The following TULP2 variants were observed in gnomAD, a reference collection of about 807,000 sequenced individuals.
TULP2 encodes TUB like protein 2, also known as tubby-related protein 2.
Under a neutral mutation model 60.3 loss-of-function variants are expected in TULP2, and 64 were observed. That is an observed-to-expected ratio of 1.06 (90% CI 0.87 to 1.31). The LOEUF (loss-of-function observed/expected upper bound fraction) is 1.31. Ranked by LOEUF, TULP2 falls within the 50% of genes most tolerant of loss-of-function variation. The pLI, the probability that TULP2 is intolerant of heterozygous loss-of-function variation, is 0.00. For missense variants in TULP2, 652 were observed against 667.0 expected, an observed-to-expected ratio of 0.98 and a Z score of 0.25; for synonymous variants, 267 against 265.4, an observed-to-expected ratio of 1.01 and a Z score of -0.06.
intron 8 of TULP2, 77 bp downstream of exon 8, chr19:48,887,873 C>T (rs1456233022): frequency 6.6e-7 from 1 of 1,507,530 alleles, no homozygotes; most frequent in Non-Finnish European, 9.1e-7. Flanking sequence ...CTGGTCTTGA[C>T]CTAGCTCAGA....
chr19:48,896,493 G>A lies in TULP2; in HGVS notation c.148C>T (p.Pro50Ser). 1 of 1,611,540 alleles carries A rather than the reference G, an allele frequency of 6.2e-7. No homozygotes were observed. The change falls in exon 4 of 13, where the codon CCT becomes TCT. Residue 50 changes from proline to serine, a missense_variant. By Grantham distance (74) the Pro-to-Ser change is moderately conservative (BLOSUM62 -1). Transcript: ENST00000221399. ...RQELLMVQAN[P>S]DASPWLWRSC... ...CGCCAAAGCCACGGGGAAGCGTCAGGATTGGCCTGAACCATGAGGAGCTCC... is the reference window on the plus strand; with the variant it reads ...CGCCAAAGCCACGGGGAAGCGTCAGAATTGGCCTGAACCATGAGGAGCTCC...
chr19:48,887,956 G>T lies in TULP2; in HGVS notation c.942C>A (p.Ser314Arg). The T allele has an allele frequency of 6.2e-7, 1 of 1,607,446 alleles. No homozygotes were observed. Among genetic ancestry groups the T allele is most frequent in the Non-Finnish European group, 8.5e-7 (1 of 1,174,508 alleles). Residue 314 changes from serine to arginine, a missense_variant, in exon 8 of 13, where the codon AGC (serine) becomes AGA (arginine). Transcript: ENST00000221399. ...TTGGGCTGGCTTACTGCACCTGCAGGCTGTCAGAGGTCTCCAGGTAGAGGT... is the reference window on the plus strand; with the variant it reads ...TTGGGCTGGCTTACTGCACCTGCAGTCTGTCAGAGGTCTCCAGGTAGAGGT... ...LYYLYLETSD[S>R]LQRFLLAGRK...
chr19:48,893,327 G>A (rs546552120), intron 6 of TULP2, among the ~76,000 whole-genome samples: 107 of 150,132 alleles, frequency 7.1e-4, no homozygotes, highest in African/African-American at 2.0e-3. Flanking sequence ...CTGAGATCGC[G>A]CCATTGCATT....
intron 4 of TULP2, 40 bp downstream of exon 4, chr19:48,896,390 C>A: frequency 6.4e-7 from 1 of 1,563,372 alleles, no homozygotes; most frequent in Non-Finnish European, 8.6e-7. Context: ...CCCACAGGCC[C>A]CTCCCCTCCA....
At position 48,897,274 on chromosome 19, in the gene TULP2, C is replaced by CGG. The variant is rs2037291231; in HGVS notation, c.84+70_84+71insCC. 5.8e-6 allele frequency: 9 copies of CGG among 1,542,042 alleles called. No individual in the cohort carries two copies. The highest frequency in any genetic ancestry group is 8.9e-7 in the Non-Finnish European group (1 of 1,122,696). On this transcript the variant is annotated intron_variant, in intron 3 of 12. Transcript: ENST00000221399. The surrounding 1 kb of genome is among the most constrained non-coding windows in gnomAD (Gnocchi z 4.0). ...CGGGCTGGGAGTCCTAGAGCAAGAC[C>CGG]TGGTGGAGAGGCCCCTGGGGAGGCA...
At chr19:48,884,374 G>T (rs1376728378) in intron 9 of TULP2, among the ~76,000 whole-genome samples, 2 of 152,056 alleles carry the variant, frequency 1.3e-5, no homozygotes, top group Non-Finnish European at 2.9e-5. Context: ...AGCCCCAGAG[G>T]TCAAGCCTCC....
At chr19:48,896,088 G>A (rs1208610780) in intron 4 of TULP2, among the ~76,000 whole-genome samples, 1 of 152,056 alleles carries the variant, frequency 6.6e-6, no homozygotes, top group African/African-American at 2.4e-5. Context: ...CGGGTTTGGG[G>A]TGGGGGTCCC....
At chr19:48,890,163 C>G (rs2037219551) in intron 6 of TULP2, among the ~76,000 whole-genome samples, 1 of 152,170 alleles carries the variant, frequency 6.6e-6, no homozygotes, top group Non-Finnish European at 1.5e-5. Context: ...TGGAATGTCT[C>G]GGTATAAAAC....
At chr19:48,891,498 C>T (rs1052750179) in intron 6 of TULP2, among the ~76,000 whole-genome samples, 12 of 151,846 alleles carry the variant, frequency 7.9e-5, no homozygotes, top group Admixed American at 2.0e-4. Context: ...GGCGTGGCAG[C>T]GTGCACCTGC....
Position 48,897,948 on chromosome 19 carries a change from C to CCTAT in TULP2, c.-1-80_-1-79insATAG. 1.6e-6 allele frequency: 1 copy of CCTAT among 637,692 alleles called. No individual in the cohort carries two copies. Among genetic ancestry groups the CCTAT allele is most frequent in the Non-Finnish European group, 2.4e-6 (1 of 416,608 alleles). 39.5% of individuals were successfully genotyped at this position (637,692 alleles called of 1,614,324 possible). On this transcript the variant is annotated intron_variant, in intron 1 of 12. Coordinates refer to ENST00000221399, the MANE Select transcript of TULP2 (RefSeq NM_003323.3). This position sits in a 1 kb window ranked among gnomAD's most constrained non-coding sequence, Gnocchi z 4.0. ...TGCCCACCAGCACCTAATCTTTAGCCTTATTTATTTATTTATTTATTTATT... is the reference window on the plus strand; with the variant it reads ...TGCCCACCAGCACCTAATCTTTAGCCCTATTTATTTATTTATTTATTTATTTATT...
chr19:48,887,281 G>C (rs1158094353), intron 8 of TULP2, among the ~76,000 whole-genome samples: 3 of 134,740 alleles, frequency 2.2e-5, no homozygotes, highest in Non-Finnish European at 4.7e-5. Flanking sequence ...AAAGTGCTAG[G>C]ATTACAAGTG....
intron 1 of TULP2, among the ~76,000 whole-genome samples, 167 bp from the exon 2 acceptor site, chr19:48,898,036 C>T (rs1283605728): frequency 6.6e-6 from 1 of 151,920 alleles, no homozygotes; most frequent in African/African-American, 2.4e-5. Context: ...GCAGTGGCGC[C>T]ATCTCGGCCA....
At chr19:48,881,210 T>A (rs111886033) in intron 12 of TULP2, 84 bp from the exon 13 acceptor site, 1 of 318,348 alleles carries the variant, frequency 3.1e-6, no homozygotes, top group Non-Finnish European at 4.6e-6. Flanking sequence ...TTTTTTTTTT[T>A]CTTTTTTTTT....
At chr19:48,888,778 C>A (rs1016439624) in intron 7 of TULP2, among the ~76,000 whole-genome samples, 8 of 151,866 alleles carry the variant, frequency 5.3e-5, no homozygotes, top group Non-Finnish European at 1.0e-4. Flanking sequence ...TTCGCCACCA[C>A]GCCCAGCTAA....
rs1489943164 is a variant in TULP2 at position 48,897,756 on chromosome 19, A to G, written c.32+81T>C. 9.6e-6 allele frequency: 14 copies of G among 1,458,692 alleles called. No homozygotes were observed. The highest frequency in any genetic ancestry group is 1.3e-5 in the Non-Finnish European group (14 of 1,040,174). 90.4% of individuals were successfully genotyped at this position (1,458,692 alleles called of 1,614,324 possible). On this transcript the variant is annotated intron_variant, in intron 2 of 12. Transcript: ENST00000221399. The surrounding 1 kb of genome is among the most constrained non-coding windows in gnomAD (Gnocchi z 4.0). ...GGCCGATGGTGCTGAACCTGCAAACATGGTTATGAAGCCAGAGCCGAGTGC... is the reference window on the plus strand; with the variant it reads ...GGCCGATGGTGCTGAACCTGCAAACGTGGTTATGAAGCCAGAGCCGAGTGC...
intron 9 of TULP2, among the ~76,000 whole-genome samples, chr19:48,884,365 G>A (rs2037160882): frequency 6.6e-6 from 1 of 152,034 alleles, no homozygotes; most frequent in African/African-American, 2.4e-5. Context: ...GATCACCTGA[G>A]CCCCAGAGGT....
intron 12 of TULP2, among the ~76,000 whole-genome samples, chr19:48,881,371 G>T (rs1009012598): frequency 7.0e-6 from 1 of 143,854 alleles, no homozygotes; most frequent in African/African-American, 2.6e-5. Flanking sequence ...CACCACGTCC[G>T]GCTAATTTTT....
intron 8 of TULP2, among the ~76,000 whole-genome samples, chr19:48,886,957 AC>A (rs1252487969): frequency 7.1e-6 from 1 of 140,346 alleles, no homozygotes; most frequent in African/African-American, 2.7e-5. Flanking sequence ...CAAATGATCC[AC>A]CTGCCTTGGC....
intron 9 of TULP2, 141 bp downstream of exon 9, chr19:48,885,307 C>A: frequency 1.6e-6 from 1 of 639,938 alleles, no homozygotes; most frequent in South Asian, 2.0e-5. Flanking sequence ...CCTTAAATGC[C>A]AGCCTACGTT....
Sources: allele counts gnomAD v4.1 joint callset (sites outside exome capture counted in the v4.1 genomes callset), GRCh38; gene constraint gnomAD v4.1.1; non-coding constraint Gnocchi (gnomAD v3.1); transcripts MANE v1.5; gene names NCBI Gene and HGNC (gene_info 2026-07-23, HGNC 2026-07-21).